PGM2: variants seen among roughly 807,000 people sequenced by gnomAD.
PGM2 encodes phosphopentomutase.
Under a neutral mutation model 74.6 loss-of-function variants are expected in PGM2, and 57 were observed. The ratio of observed to expected loss-of-function variants is 0.76; its 90% CI spans 0.62 to 0.95. The LOEUF (loss-of-function observed/expected upper bound fraction) is 0.95. PGM2 is among the 40% of genes least tolerant of loss of function. The probability of loss-of-function intolerance (pLI) is 0.00; values close to 1 mark genes in which losing one functional copy is unlikely to be tolerated. For synonymous variants in PGM2, 273 were observed against 260.7 expected (o/e 1.05, Z -0.46); for missense variants, 706 against 741.9 (o/e 0.95, Z 0.56).
chr4:37,851,032 G>A (rs1405467955), intron 12 of PGM2, among the ~76,000 whole-genome samples: 1 of 150,038 alleles, frequency 6.7e-6, no homozygotes, highest in Non-Finnish European at 1.5e-5. Context: ...ATCAAAGCCT[G>A]TGTGGTCATT....
chr4:37,829,021 C>T (rs930661724), intron 1 of PGM2, among the ~76,000 whole-genome samples: 2 of 152,146 alleles, frequency 1.3e-5, no homozygotes, highest in Non-Finnish European at 2.9e-5. Flanking sequence ...ATTAAATGGC[C>T]ACGTCCTGCG....
intron 10 of PGM2, among the ~76,000 whole-genome samples, 197 bp from the exon 11 acceptor site, chr4:37,848,325 C>T (rs1262377873): frequency 6.6e-6 from 1 of 152,202 alleles, no homozygotes; most frequent in Non-Finnish European, 1.5e-5. Flanking sequence ...GAAAATCTTG[C>T]AGGTTCTTCA....
intron 4 of PGM2, among the ~76,000 whole-genome samples, chr4:37,838,453 T>C (rs1176688820): frequency 6.6e-6 from 1 of 152,252 alleles, no homozygotes; most frequent in East Asian, 1.9e-4. Flanking sequence ...ATGACAGTTG[T>C]TGCTTTGACA....
Position 37,855,756 on chromosome 4 carries a change from G to A in PGM2, c.1736+15G>A, listed in dbSNP as rs1726176995. 6.3e-7 allele frequency: 1 copy of A among 1,582,280 alleles called. No homozygotes were observed. The highest frequency in any genetic ancestry group is 8.6e-7 in the Non-Finnish European group (1 of 1,165,518). On this transcript the variant is annotated intron_variant, in intron 13 of 13. Transcript: ENST00000381967. Reference sequence around the variant, plus strand: ...CCTGGGAACAGGTATGATGTGGATGGCAGCTGGTGTGATTTTTACTCCCCA... The same window carrying A: ...CCTGGGAACAGGTATGATGTGGATGACAGCTGGTGTGATTTTTACTCCCCA...
chr4:37,833,622 T>C (rs952125890), intron 2 of PGM2, among the ~76,000 whole-genome samples: 1 of 152,222 alleles, frequency 6.6e-6, no homozygotes, highest in African/African-American at 2.4e-5. Flanking sequence ...ATAAATAATA[T>C]AAAATGAATC....
rs556251474 is a variant in PGM2 at position 37,848,627 on chromosome 4, A to G, written c.1388A>G (p.Gln463Arg). Residue 463 changes from glutamine to arginine, a missense_variant, in exon 11 of 14, where the codon CAG becomes CGG. This residue lies in a region of PGM2 where 359 missense variants were observed against 371.1 expected (regional missense o/e 0.97). Coordinates refer to ENST00000381967, the MANE Select transcript of PGM2 (RefSeq NM_018290.4). ...FLATKNLSLS[Q>R]QLKAIYVEYG... is the part of the protein sequence containing the mutation. ...GCAACCAAGAATTTGTCTTTGTCTCAGCAACTAAAGGCCATTTATGTGGAG... is the reference window on the plus strand; with the variant it reads ...GCAACCAAGAATTTGTCTTTGTCTCGGCAACTAAAGGCCATTTATGTGGAG... The G allele has an allele frequency of 1.5e-4, 236 of 1,613,768 alleles. 1 individual carries two copies. In the South Asian group the frequency reaches 2.2e-3, roughly 15 times the overall value.
chr4:37,848,135 T>A (rs1725929647), intron 10 of PGM2, among the ~76,000 whole-genome samples: 1 of 152,208 alleles, frequency 6.6e-6, no homozygotes, highest in Non-Finnish European at 1.5e-5. Context: ...TTAGATAGAT[T>A]TAGTTAAGTA....
intron 13 of PGM2, among the ~76,000 whole-genome samples, chr4:37,857,671 A>C (rs906780974): frequency 6.6e-6 from 1 of 152,196 alleles, no homozygotes; most frequent in Non-Finnish European, 1.5e-5. Context: ...AGAGATATTT[A>C]AGAAGTCATG....
chr4:37,846,834 T>C, intron 8 of PGM2, 97 bp from the exon 9 acceptor site: 1 of 920,368 alleles, frequency 1.1e-6, no homozygotes, highest in Non-Finnish European at 1.6e-6. Context: ...AATACTTAGA[T>C]GCTTTGTTTG....
chr4:37,844,302 C>G, intron 6 of PGM2, 62 bp from the exon 7 acceptor site: 1 of 1,051,494 alleles, frequency 9.5e-7, no homozygotes, highest in Non-Finnish European at 1.4e-6. Context: ...TCTTGCAAAC[C>G]TTGCAGTTTT....
At chr4:37,829,023 C>T (rs1055784980) in intron 1 of PGM2, among the ~76,000 whole-genome samples, 22 of 152,188 alleles carry the variant, frequency 1.4e-4, no homozygotes, top group African/African-American at 7.2e-5. Context: ...TAAATGGCCA[C>T]GTCCTGCGTG....
At chr4:37,830,170 C>T (rs1350034517) in intron 2 of PGM2, 39 bp downstream of exon 2, 2 of 1,352,676 alleles carry the variant, frequency 1.5e-6, no homozygotes, top group Non-Finnish European at 2.0e-6. Flanking sequence ...CTCAATGTAT[C>T]CCCTAGCTCA....
intron 12 of PGM2, among the ~76,000 whole-genome samples, chr4:37,854,152 G>A (rs542652469): frequency 1.3e-5 from 2 of 152,158 alleles, no homozygotes; most frequent in East Asian, 1.9e-4. Flanking sequence ...TTGTGCGATC[G>A]GTTGGCAGCC....
intron 4 of PGM2, among the ~76,000 whole-genome samples, chr4:37,838,535 G>A (rs1174703004): frequency 1.3e-5 from 2 of 152,186 alleles, no homozygotes; most frequent in South Asian, 2.1e-4. Context: ...GATGCAGTTA[G>A]TCACATCTAG....
rs767543298 is a variant in PGM2 at position 37,861,556 on chromosome 4, A to G, written c.1783A>G (p.Ile595Val). ...GGAACTGAATGAACTGGTCAGTGCTATTGAAGAACATTTTTTCCAGCCACA... is the reference window on the plus strand; with the variant it reads ...GGAACTGAATGAACTGGTCAGTGCTGTTGAAGAACATTTTTTCCAGCCACA... ...KKELNELVSA[I>V]EEHFFQPQKY... Residue 595 changes from isoleucine (I) to valine (V), a missense_variant, in exon 14 of 14, where the codon ATT (isoleucine) becomes GTT (valine). Around this residue, in one of 3 missense-constraint regions of PGM2, gnomAD observed 359 missense variants for 371.1 expected, o/e 0.97. Coordinates refer to ENST00000381967, the MANE Select transcript of PGM2 (RefSeq NM_018290.4). 4 of 1,613,432 alleles carry G rather than the reference A, an allele frequency of 2.5e-6. No homozygotes were observed. The highest frequency in any genetic ancestry group is 2.2e-5 in the South Asian group (2 of 91,058).
Position 37,844,466 on chromosome 4 carries a change from T to C in PGM2, c.822T>C (p.Pro274=). The change falls in exon 7 of 14, where the codon CCT becomes CCC. Residue 274 remains proline, a synonymous_variant. Coordinates refer to ENST00000381967, the MANE Select transcript of PGM2 (RefSeq NM_018290.4). The stretch of plus-strand genomic sequence containing the variant: ...CTTTCAAGGCTTTTGACCTTGTTCC[T>C]CCTGAGGCTGTTCCTGAACAGAAAG... ...QSAFKAFDLV[P]PEAVPEQKDP... 6.2e-7 allele frequency: 1 copy of C among 1,613,578 alleles called. No homozygotes were observed. Among genetic ancestry groups the C allele is most frequent in the African/African-American group, 1.3e-5 (1 of 75,030 alleles).
At chr4:37,844,244 T>C in intron 6 of PGM2, 120 bp from the exon 7 acceptor site, 1 of 623,946 alleles carries the variant, frequency 1.6e-6, no homozygotes, top group Non-Finnish European at 2.8e-6. Flanking sequence ...TGGATACGTT[T>C]TGTTTTTCTG....
chr4:37,847,597 TG>T, intron 10 of PGM2: 1 of 353,026 alleles, frequency 2.8e-6, no homozygotes, highest in Non-Finnish European at 5.4e-6. Context: ...TCCACTGTGG[TG>T]GTTAATATCC....
intron 6 of PGM2, among the ~76,000 whole-genome samples, chr4:37,843,262 T>G (rs540062123): frequency 6.6e-6 from 1 of 152,326 alleles, no homozygotes; most frequent in Non-Finnish European, 1.5e-5. Context: ...TTACTGTAGG[T>G]TTATTATGTA....
Sources: gnomAD v4.1 joint callset for allele counts (sites outside exome capture counted in the v4.1 genomes callset) on GRCh38, gnomAD v4.1.1 for gene constraint, gnomAD v4.1.1 regional missense constraint, MANE v1.5 for transcripts, NCBI Gene and HGNC (gene_info 2026-07-23, HGNC 2026-07-21) for gene names.